The following ARHGEF3 variants were observed in gnomAD, a reference collection of about 807,000 sequenced individuals.
ARHGEF3 encodes Rho guanine nucleotide exchange factor 3.
Under a neutral mutation model 63.2 loss-of-function variants are expected in ARHGEF3, and 28 were observed. That is an observed-to-expected ratio of 0.44 (90% CI 0.33 to 0.61). ARHGEF3 has a LOEUF of 0.61. ARHGEF3 is among the 20% of genes least tolerant of loss of function. The probability of loss-of-function intolerance (pLI) is 0.03; values close to 1 mark genes in which losing one functional copy is unlikely to be tolerated. For synonymous variants in ARHGEF3, 266 were observed against 254.2 expected, an observed-to-expected ratio of 1.05 and a Z score of -0.44; for missense variants, 533 against 659.3, an observed-to-expected ratio of 0.81 and a Z score of 2.10.
At chr3:57,050,804 C>T (rs946626923) in intron 1 of ARHGEF3, among the ~76,000 whole-genome samples, 10 of 152,194 alleles carry the variant, frequency 6.6e-5, no homozygotes, top group African/African-American at 9.7e-5. Context: ...TGGAACTGTG[C>T]TCATCTCTTT....
At chr3:57,000,480 A>AT (rs887354971) in intron 2 of ARHGEF3, among the ~76,000 whole-genome samples, 1 of 151,396 alleles carries the variant, frequency 6.6e-6, no homozygotes, top group Non-Finnish European at 1.5e-5. Flanking sequence ...CCCCATTTGT[A>AT]TTTTTTACCT....
chr3:56,914,546 T>C (rs915070573), intron 3 of ARHGEF3, among the ~76,000 whole-genome samples: 7 of 152,192 alleles, frequency 4.6e-5, no homozygotes, highest in African/African-American at 1.7e-4. Context: ...ATGCAAAATA[T>C]GTACTACATA....
intron 1 of ARHGEF3, among the ~76,000 whole-genome samples, chr3:56,795,653 C>CTATTTTTTTTTTT (rs1324495358): frequency 1.4e-5 from 1 of 69,264 alleles, no homozygotes; most frequent in Non-Finnish European, 2.6e-5. Flanking sequence ...CAGTCTCTCT[C>CTATTTTTTTTTTT]TCTTTTTTTT....
At chr3:56,986,636 G>A (rs1472014712) in intron 2 of ARHGEF3, among the ~76,000 whole-genome samples, 2 of 152,142 alleles carry the variant, frequency 1.3e-5, no homozygotes, top group African/African-American at 4.8e-5. Flanking sequence ...CCAATGCTGT[G>A]AAAGGGGAGT....
intron 3 of ARHGEF3, among the ~76,000 whole-genome samples, chr3:56,910,039 C>A (rs945332538): frequency 3.9e-5 from 6 of 152,084 alleles, no homozygotes; most frequent in African/African-American, 1.4e-4. Context: ...AGCCAACTTG[C>A]GCACTTATAA....
intron 2 of ARHGEF3, among the ~76,000 whole-genome samples, chr3:56,767,154 A>G (rs924852478): frequency 1.3e-5 from 2 of 152,110 alleles, no homozygotes; most frequent in South Asian, 2.1e-4. Context: ...CTATTAAAAA[A>G]AAAAAAAAAT....
In ARHGEF3 at chr3:56,784,767, G is replaced by C. The variant is rs141097069; in HGVS notation, c.97-10951C>G. Among the ~76,000 whole-genome samples, 141 of 152,236 alleles carry C rather than the reference G, an allele frequency of 9.3e-4. 1 individual carries two copies. In the East Asian group the frequency reaches 0.02, roughly 21 times the overall value. On this transcript the variant is annotated intron_variant, in intron 1 of 9. Coordinates refer to ENST00000296315, the MANE Select transcript of ARHGEF3 (RefSeq NM_019555.3). ...TTCTTATCACTCTGGCCCAAAGAGTGCATTGATTCTTTGCAAAGGATCTAA... is the reference window on the plus strand; with the variant it reads ...TTCTTATCACTCTGGCCCAAAGAGTCCATTGATTCTTTGCAAAGGATCTAA...
chr3:56,963,448 A>G (rs1310443705), intron 2 of ARHGEF3, among the ~76,000 whole-genome samples: 3 of 152,134 alleles, frequency 2.0e-5, no homozygotes, highest in Non-Finnish European at 2.9e-5. Flanking sequence ...AGATAACAAC[A>G]TGGCCACAAA....
At chr3:56,762,388 CAG>C (rs1283309427) in intron 2 of ARHGEF3, among the ~76,000 whole-genome samples, 1 of 152,012 alleles carries the variant, frequency 6.6e-6, no homozygotes, top group Non-Finnish European at 1.5e-5. Context: ...GACCATAAAA[CAG>C]AGATAATGCA....
At chr3:57,015,934 A>G (rs1256336242) in intron 2 of ARHGEF3, among the ~76,000 whole-genome samples, 2 of 152,000 alleles carry the variant, frequency 1.3e-5, no homozygotes, top group Non-Finnish European at 2.9e-5. Context: ...GAACTCTTGG[A>G]TCTCCAATCC....
chr3:56,895,992 G>C (rs1055011793), intron 3 of ARHGEF3, among the ~76,000 whole-genome samples: 9 of 152,116 alleles, frequency 5.9e-5, no homozygotes, highest in African/African-American at 2.2e-4. Context: ...GCAGGCACAG[G>C]GGGCTGGCAG....
At chr3:56,865,488 GT>G (rs1458858623) in intron 4 of ARHGEF3, among the ~76,000 whole-genome samples, 3 of 152,146 alleles carry the variant, frequency 2.0e-5, no homozygotes, top group Non-Finnish European at 4.4e-5. Context: ...TAAAGCCAAT[GT>G]TTTTCAGTTA....
At chr3:56,800,992 C>T (rs2037622546) in intron 1 of ARHGEF3, among the ~76,000 whole-genome samples, 1 of 152,242 alleles carries the variant, frequency 6.6e-6, no homozygotes, top group Non-Finnish European at 1.5e-5. Flanking sequence ...AACCTGGGAG[C>T]ACTCCTTCAC....
At chr3:56,840,314 C>A (rs1291681026) in intron 4 of ARHGEF3, among the ~76,000 whole-genome samples, 1 of 152,104 alleles carries the variant, frequency 6.6e-6, no homozygotes, top group Non-Finnish European at 1.5e-5. Context: ...ATTCAATGAT[C>A]CTGCAAAACA....
intron 2 of ARHGEF3, among the ~76,000 whole-genome samples, chr3:57,011,029 C>T (rs1004734381): frequency 5.3e-5 from 8 of 152,266 alleles, no homozygotes; most frequent in African/African-American, 1.7e-4. Context: ...CCAAAGTAGA[C>T]TTTAGTATGA....
chr3:56,842,939 C>T (rs569218330), intron 4 of ARHGEF3, among the ~76,000 whole-genome samples: 1 of 152,246 alleles, frequency 6.6e-6, no homozygotes, highest in East Asian at 1.9e-4. Context: ...CTAGTCATGC[C>T]ACCAGTTGGC....
intron 2 of ARHGEF3, among the ~76,000 whole-genome samples, chr3:57,015,142 C>T (rs1702935449): frequency 6.6e-6 from 1 of 152,120 alleles, no homozygotes; most frequent in Non-Finnish European, 1.5e-5. Flanking sequence ...TACTGGTATA[C>T]AGCCACGCTC....
At chr3:56,775,504 G>C (rs1359260473) in intron 1 of ARHGEF3, 2 of 995,146 alleles carry the variant, frequency 2.0e-6, no homozygotes, top group East Asian at 1.1e-4. Flanking sequence ...TACCTCTCCA[G>C]CTTCTTAGCG....
intron 3 of ARHGEF3, among the ~76,000 whole-genome samples, chr3:56,909,177 G>A (rs1363826190): frequency 1.3e-5 from 2 of 152,168 alleles, no homozygotes; most frequent in South Asian, 2.1e-4. Context: ...CAGGAGCCAG[G>A]GGACCACACA....
Sources: allele counts gnomAD v4.1 joint callset (sites outside exome capture counted in the v4.1 genomes callset), GRCh38; gene constraint gnomAD v4.1.1; transcripts MANE v1.5; gene names NCBI Gene and HGNC (gene_info 2026-07-23, HGNC 2026-07-21).